PACS1: variants seen among roughly 807,000 people sequenced by gnomAD.
PACS1 encodes PACS-1.
PACS1 carries 24 observed loss-of-function variants against 115.0 expected under a neutral mutation model. The ratio of observed to expected loss-of-function variants is 0.21; its 90% CI spans 0.15 to 0.29. PACS1 has a LOEUF of 0.29. PACS1 is among the 10% of genes least tolerant of loss of function. PACS1 has a pLI of 1.00. For missense variants in PACS1, 838 were observed against 1,251.2 expected (o/e 0.67, Z 4.98); for synonymous variants, 453 against 504.5 (o/e 0.90, Z 1.37).
chr11:66,227,534 T>C lies in PACS1; in HGVS notation c.1324T>C (p.Ser442Pro), dbSNP rs1293778154. 1 of 1,611,224 alleles carries C rather than the reference T, an allele frequency of 6.2e-7. No individual in the cohort carries two copies. The highest frequency in any genetic ancestry group is 1.3e-5 in the African/African-American group (1 of 74,962). The change falls in exon 11 of 24, where the codon TCT (serine) becomes CCT (proline). Residue 442 changes from serine to proline, a missense_variant. This residue lies in a region of PACS1 where 383 missense variants were observed against 537.0 expected (regional missense o/e 0.71). Transcript: ENST00000320580. ...ATTGGCTGCTCTAGAAAAAATTAAA[T>C]CTACTTGGATTAAAAACCAAGATGA... The part of the protein sequence containing the change: ...MELAALEKIK[S>P]TWIKNQDDSL...
intron 1 of PACS1, among the ~76,000 whole-genome samples, chr11:66,169,428 C>T (rs1335559349): frequency 6.7e-6 from 1 of 149,280 alleles, no homozygotes; most frequent in Admixed American, 6.6e-5. Context: ...GAGACAGAGT[C>T]TCACCCTGCC....
At chr11:66,209,431 C>G (rs1264011431) in intron 2 of PACS1, among the ~76,000 whole-genome samples, 1 of 152,126 alleles carries the variant, frequency 6.6e-6, no homozygotes, top group Non-Finnish European at 1.5e-5. Context: ...GAGGGTCTTA[C>G]ACACCCTGGG....
At chr11:66,224,985 G>A (rs7128537) in intron 10 of PACS1, among the ~76,000 whole-genome samples, 36,502 of 152,140 alleles carry the variant, frequency 0.24, 4,909 homozygotes, top group South Asian at 0.47. Context: ...TCCAGTTGTT[G>A]AATTTTCCCA....
chr11:66,235,264 T>A lies in PACS1; in HGVS notation c.2105-37T>A. 1 of 1,517,330 alleles carries A rather than the reference T, an allele frequency of 6.6e-7. No individual in the cohort carries two copies. Among genetic ancestry groups the A allele is most frequent in the Non-Finnish European group, 9.2e-7 (1 of 1,092,404 alleles). The allele number at this position is 1,517,330 out of a possible 1,614,324, so 94.0% of individuals were successfully genotyped here. On this transcript the variant is annotated intron_variant, in intron 17 of 23. Coordinates refer to ENST00000320580, the MANE Select transcript of PACS1 (RefSeq NM_018026.4). The surrounding 1 kb of genome is among the most constrained non-coding windows in gnomAD (Gnocchi z 5.6). ...GGGTCTGCAGGTTTGCCAGCTGAAG[T>A]CAGTAGGCAGTTAGTGATCTCTTGG...
chr11:66,139,968 G>T (rs1240975405), intron 1 of PACS1, among the ~76,000 whole-genome samples: 1 of 152,176 alleles, frequency 6.6e-6, no homozygotes, highest in African/African-American at 2.4e-5. Context: ...ATTGACAGTA[G>T]TTACTCAAGT....
chr11:66,127,036 T>C (rs1315957940), intron 1 of PACS1, among the ~76,000 whole-genome samples: 1 of 151,912 alleles, frequency 6.6e-6, no homozygotes, highest in Non-Finnish European at 1.5e-5. Context: ...AACGACTTTC[T>C]TTTCTTTCCC....
intron 1 of PACS1, among the ~76,000 whole-genome samples, chr11:66,147,247 A>G (rs947785285): frequency 2.6e-5 from 4 of 152,242 alleles, no homozygotes; most frequent in Non-Finnish European, 5.9e-5. Context: ...CAAAATTTTT[A>G]TATCTAGCAA....
intron 2 of PACS1, among the ~76,000 whole-genome samples, chr11:66,206,177 TA>T (rs1331183516): frequency 6.6e-6 from 1 of 152,156 alleles, no homozygotes; most frequent in Non-Finnish European, 1.5e-5. Flanking sequence ...ACCAGTAACC[TA>T]ATTTTTAAAA....
chr11:66,243,052 GGGA>G, intron 23 of PACS1, 21 bp downstream of exon 23: 1 of 1,613,724 alleles, frequency 6.2e-7, no homozygotes, highest in Non-Finnish European at 8.5e-7. Context: ...AGGCAGGGCC[GGGA>G]GGAGGGCAAG....
At chr11:66,132,166 G>A (rs4930341) in intron 1 of PACS1, among the ~76,000 whole-genome samples, 6,047 of 152,150 alleles carry the variant, frequency 0.04, 132 homozygotes, top group South Asian at 0.071. Context: ...TTATGGGGGC[G>A]GTTTCTTCCA....
chr11:66,110,302 AT>A (rs200994764), intron 1 of PACS1, among the ~76,000 whole-genome samples: 128 of 150,112 alleles, frequency 8.5e-4, no homozygotes, highest in East Asian at 3.9e-3. Context: ...AAAAAAAAAA[AT>A]TTTTTTTATA....
intron 1 of PACS1, among the ~76,000 whole-genome samples, chr11:66,138,927 C>T (rs995969796): frequency 2.7e-5 from 4 of 149,460 alleles, no homozygotes; most frequent in Non-Finnish European, 6.0e-5. Flanking sequence ...ATGATCCGCC[C>T]GCCTCAGCCT....
Position 66,216,708 on chromosome 11 carries a change from A to C in PACS1, c.911A>C (p.Glu304Ala), listed in dbSNP as rs1378315375. 1.2e-6 allele frequency: 2 copies of C among 1,613,800 alleles called. No homozygotes were observed. Among genetic ancestry groups the C allele is most frequent in the African/African-American group, 2.7e-5 (2 of 74,870 alleles). ...GTACCCACTTAGGACTTGTTCTACG[A>C]AGACGAAGATCTCCGGAAAGTGAAG... ...DPLHGQDLFY[E>A]DEDLRKVKKT... The change falls in exon 7 of 24, where the codon GAA (glutamate) becomes GCA (alanine). Residue 304 changes from glutamate (E) to alanine (A), a missense_variant. Glu to Ala is a moderately radical substitution (Grantham distance 107, BLOSUM62 -1). Coordinates refer to ENST00000320580, the MANE Select transcript of PACS1 (RefSeq NM_018026.4).
At chr11:66,120,991 T>A (rs1858425585) in intron 1 of PACS1, 1 of 456,190 alleles carries the variant, frequency 2.2e-6, no homozygotes, top group Non-Finnish European at 4.4e-6. Flanking sequence ...CTCCTCCTTT[T>A]ATTGTGCTTC....
rs1163213553 is a variant in PACS1, at chr11:66,217,546, T to C, written c.978+771T>C. ...GGGACCAAACCCCTGAGAGCCGAGA[T>C]GCCCACCCCTTCAGGGATGAAACGG... is the stretch of plus-strand genomic sequence containing the variant. On this transcript the variant is annotated intron_variant, in intron 7 of 23. Coordinates refer to ENST00000320580, the MANE Select transcript of PACS1 (RefSeq NM_018026.4). The C allele has an allele frequency of 8.8e-6, 4 of 456,088 alleles. No individual in the cohort carries two copies. In the Admixed American group the frequency reaches 9.4e-5, roughly 11 times the overall value. 28.3% of individuals were successfully genotyped at this position (456,088 alleles called of 1,614,324 possible). A position where few individuals can be genotyped will look rare whatever the true frequency, so the allele number is the denominator to read the frequency against.
In PACS1 at chr11:66,236,040, C is replaced by T; in HGVS notation, c.2250+100C>T. On this transcript the variant is annotated intron_variant, in intron 19 of 23. Coordinates refer to ENST00000320580, the MANE Select transcript of PACS1 (RefSeq NM_018026.4). This position sits in a 1 kb window ranked among gnomAD's most constrained non-coding sequence, Gnocchi z 4.2. The stretch of plus-strand genomic sequence containing the variant: ...AAAAGATTCATCTAGAACAGTGGTT[C>T]TCCAGACACTGGAGATTTTGCCTCC... 1.8e-6 allele frequency: 2 copies of T among 1,134,286 alleles called. No homozygotes were observed. The highest frequency in any genetic ancestry group is 1.7e-5 in the Admixed American group (1 of 59,136). The allele number at this position is 1,134,286 out of a possible 1,614,324, so 70.3% of individuals were successfully genotyped here.
In PACS1 at chr11:66,216,187, G is replaced by T. The variant is rs1237019529; in HGVS notation, c.729G>T (p.Val243=). The stretch of plus-strand genomic sequence containing the variant: ...ACAGCAACGTGAAGGATGTCTCTGT[G>T]CCTGTGGCAGAAATAAAGATCTACT... The part of the protein sequence containing the change: ...GLHSNVKDVS[V]PVAEIKIYSL... Residue 243 remains valine, a synonymous_variant, in exon 5 of 24, where the codon GTG becomes GTT. Transcript: ENST00000320580. 6.2e-6 allele frequency: 10 copies of T among 1,613,956 alleles called. No individual in the cohort carries two copies. Among genetic ancestry groups the T allele is most frequent in the Non-Finnish European group, 8.5e-6 (10 of 1,179,980 alleles).
At chr11:66,214,032 CAAAAA>C (rs71036278) in intron 4 of PACS1, among the ~76,000 whole-genome samples, 5 of 42,990 alleles carry the variant, frequency 1.2e-4, no homozygotes, top group Non-Finnish European at 1.9e-4. Context: ...GACTCCATCT[CAAAAA>C]AAAAAAAAAA....
chr11:66,108,452 G>A (rs970756090), intron 1 of PACS1, among the ~76,000 whole-genome samples: 5 of 152,090 alleles, frequency 3.3e-5, no homozygotes, highest in Non-Finnish European at 7.3e-5. Flanking sequence ...GCCAGGTATG[G>A]CAGCCCACAC....
Sources: gnomAD v4.1 joint callset for allele counts (sites outside exome capture counted in the v4.1 genomes callset) on GRCh38, gnomAD v4.1.1 for gene constraint, gnomAD v4.1.1 regional missense constraint, Gnocchi (gnomAD v3.1) non-coding constraint, MANE v1.5 for transcripts, NCBI Gene and HGNC (gene_info 2026-07-23, HGNC 2026-07-21) for gene names.